The following MYO16 variants were observed in gnomAD, a reference collection of about 807,000 sequenced individuals.
MYO16 encodes the protein unconventional myosin-XVI.
MYO16 carries 94 observed loss-of-function variants against 205.3 expected under a neutral mutation model. The observed-to-expected ratio is 0.46, with a 90% CI of 0.39 to 0.54. The LOEUF is 0.54. Among genes scored for constraint, MYO16 ranks in the 20% least tolerant of loss-of-function variants. MYO16 has a pLI of 0.00. For missense variants in MYO16, 2,315 were observed against 2,387.5 expected (o/e 0.97, Z 0.63); for synonymous variants, 988 against 954.0 (o/e 1.04, Z -0.66).
Position 108,666,072 on chromosome 13 carries a change from A to G in MYO16, c.215A>G (p.His72Arg). The change falls in exon 2 of 35, where the codon CAT becomes CGT. Residue 72 changes from histidine to arginine, a missense_variant. His to Arg is a conservative substitution (Grantham distance 29). Coordinates refer to ENST00000457511, the MANE Select transcript of MYO16 (RefSeq NM_001198950.3). ...KQEGFLKRLK[H>R]AKNPKVHFNL... Reference sequence around the variant, plus strand: ...GAAGGGTTCCTGAAAAGGCTGAAGCATGCGAAGAATCCGAAAGTTCACTTC... The same window carrying G: ...GAAGGGTTCCTGAAAAGGCTGAAGCGTGCGAAGAATCCGAAAGTTCACTTC... 1 of 1,614,162 alleles carries G rather than the reference A, an allele frequency of 6.2e-7. No homozygotes were observed. The highest frequency in any genetic ancestry group is 1.1e-5 in the South Asian group (1 of 91,082).
chr13:108,787,536 G>A (rs185790456), intron 5 of MYO16, among the ~76,000 whole-genome samples: 12 of 152,244 alleles, frequency 7.9e-5, no homozygotes, highest in Middle Eastern at 3.4e-3. Context: ...ACAGCATTTC[G>A]TTTGATAGGA....
At chr13:108,991,906 G>T (rs78406198) in intron 20 of MYO16, among the ~76,000 whole-genome samples, 6,779 of 152,136 alleles carry the variant, frequency 0.045, 212 homozygotes, top group Non-Finnish European at 0.067. Context: ...TTGGTTTTTG[G>T]TTTTTTTGGC....
At chr13:108,818,584 T>C (rs891154877) in intron 7 of MYO16, among the ~76,000 whole-genome samples, 1 of 152,104 alleles carries the variant, frequency 6.6e-6, no homozygotes, top group African/African-American at 2.4e-5. Flanking sequence ...TACCTCAAAT[T>C]GGTTCTTGTA....
the MYO16 span, among the ~76,000 whole-genome samples, chr13:108,531,335 G>C: frequency 1.3e-5 from 2 of 152,210 alleles, no homozygotes; most frequent in Non-Finnish European, 2.9e-5. Flanking sequence ...AGAACATCGG[G>C]AGGAAGCAGA....
Position 109,165,204 on chromosome 13 carries a change from A to G in MYO16, c.5323+145A>G, listed in dbSNP as rs188788358. ...TAAACCATGAAACTCCCCTGCAAGT[A>G]TTATTGTCAGCATATGATTGCTTCA... On this transcript the variant is annotated intron_variant, in intron 33 of 34. Coordinates refer to ENST00000457511, the MANE Select transcript of MYO16 (RefSeq NM_001198950.3). The G allele has an allele frequency of 3.9e-4, 239 of 614,138 alleles. 2 individuals are homozygous for G. The highest frequency in any genetic ancestry group is 5.9e-4 in the Non-Finnish European group (220 of 369,986). The allele number at this position is 614,138 out of a possible 1,614,324, so 38.0% of individuals were successfully genotyped here. A position where few individuals can be genotyped will look rare whatever the true frequency, so the allele number is the denominator to read the frequency against.
intron 34 of MYO16, chr13:109,201,491 C>CAAAAAAAAAAAAAA (rs3042152): frequency 2.4e-4 from 23 of 97,356 alleles, no homozygotes; most frequent in African/African-American, 8.5e-4. Flanking sequence ...TCGTCTTCTA[C>CAAAAAAAAAAAAAA]AAAAAAAAAA....
intron 4 of MYO16, among the ~76,000 whole-genome samples, chr13:108,755,354 A>T (rs1193140037): frequency 1.3e-5 from 2 of 152,178 alleles, no homozygotes; most frequent in Non-Finnish European, 2.9e-5. Context: ...AATGTGCAGC[A>T]TTGAACATAG....
chr13:109,096,303 C>T (rs968236703), intron 27 of MYO16, among the ~76,000 whole-genome samples: 3 of 152,200 alleles, frequency 2.0e-5, no homozygotes, highest in Non-Finnish European at 2.9e-5. Flanking sequence ...CCTCTGCCTG[C>T]ATCACGTGGC....
chr13:108,618,375 C>A (rs770095177), intron 1 of MYO16, among the ~76,000 whole-genome samples: 1 of 152,192 alleles, frequency 6.6e-6, no homozygotes, highest in Non-Finnish European at 1.5e-5. Context: ...GGAGACACCT[C>A]CTGCAAGGCA....
At chr13:109,057,379 G>C (rs896746858) in intron 27 of MYO16, among the ~76,000 whole-genome samples, 1 of 152,154 alleles carries the variant, frequency 6.6e-6, no homozygotes, top group Admixed American at 6.5e-5. Context: ...CAAGATATTT[G>C]TGTTTAAAAT....
At chr13:108,573,109 C>G in the MYO16 span, among the ~76,000 whole-genome samples, 1 of 152,306 alleles carries the variant, frequency 6.6e-6, no homozygotes, top group East Asian at 1.9e-4. Flanking sequence ...TTGTCCCACC[C>G]ACATTCCATG....
At chr13:108,646,880 G>A (rs769731247) in intron 1 of MYO16, among the ~76,000 whole-genome samples, 1 of 151,992 alleles carries the variant, frequency 6.6e-6, no homozygotes, top group Non-Finnish European at 1.5e-5. Context: ...CTTACAGCTA[G>A]TTTAAAGAAA....
At chr13:108,967,153 ATATGTGTGTGTGTG>A (rs1194417150) in intron 20 of MYO16, among the ~76,000 whole-genome samples, 3 of 150,848 alleles carry the variant, frequency 2.0e-5, no homozygotes, top group African/African-American at 7.4e-5. Flanking sequence ...CTGACTATAT[ATATGTGTGTGTGTG>A]TGTGTGTGTG....
intron 4 of MYO16, 122 bp downstream of exon 4, chr13:108,727,705 A>C: frequency 9.2e-7 from 1 of 1,084,988 alleles, no homozygotes; most frequent in Non-Finnish European, 1.3e-6. Context: ...ATATGTTATC[A>C]TGTATCTCCC....
intron 2 of MYO16, among the ~76,000 whole-genome samples, chr13:108,698,373 G>T (rs9670727): frequency 6.6e-6 from 1 of 152,110 alleles, no homozygotes; most frequent in African/African-American, 2.4e-5. Context: ...TGTGATTTCC[G>T]TTCCCAATTT....
At chr13:108,631,350 T>C (rs77526042) in intron 1 of MYO16, among the ~76,000 whole-genome samples, 1 of 152,156 alleles carries the variant, frequency 6.6e-6, no homozygotes, top group Admixed American at 6.5e-5. Flanking sequence ...CAGGGAGCAG[T>C]TGGTCACCAA....
At chr13:108,824,238 G>A (rs775121427) in intron 9 of MYO16, among the ~76,000 whole-genome samples, 2 of 151,948 alleles carry the variant, frequency 1.3e-5, no homozygotes, top group Non-Finnish European at 2.9e-5. Context: ...TTAAACATTG[G>A]AAAGCTTGTT....
rs1486399964 is a variant in MYO16, at chr13:109,165,037, A to C, written c.5301A>C (p.Glu1767Asp). The change falls in exon 33 of 35, where the codon GAA becomes GAC. Residue 1767 changes from glutamate to aspartate, a missense_variant. Physicochemically the swap from Glu to Asp is conservative, Grantham distance 45. Coordinates refer to ENST00000457511, the MANE Select transcript of MYO16 (RefSeq NM_001198950.3). ...CACTATCTAGTGCTATAACTGCTGA[A>C]AATGGAAATTCCATCTCAAATGGTA... ...SNSLSSAITA[E>D]NGNSISNGLP... is the part of the protein sequence containing the mutation. 1 of 1,595,434 alleles carries C rather than the reference A, an allele frequency of 6.3e-7. No homozygotes were observed. Among genetic ancestry groups the C allele is most frequent in the East Asian group, 2.3e-5 (1 of 43,940 alleles).
intron 21 of MYO16, among the ~76,000 whole-genome samples, chr13:108,994,662 G>A (rs1465886122): frequency 2.6e-5 from 4 of 152,046 alleles, no homozygotes; most frequent in Non-Finnish European, 1.5e-5. Flanking sequence ...TTTATAATAT[G>A]TTTTTTATTC....
Sources: allele counts gnomAD v4.1 joint callset (sites outside exome capture counted in the v4.1 genomes callset), GRCh38; gene constraint gnomAD v4.1.1; transcripts MANE v1.5; gene names NCBI Gene and HGNC (gene_info 2026-07-23, HGNC 2026-07-21).